PLK4: variants seen among roughly 807,000 people sequenced by gnomAD.
PLK4 encodes the protein polo like kinase 4.
In PLK4, 51 loss-of-function variants were observed where a neutral mutation model predicts 103.0. The ratio of observed to expected loss-of-function variants is 0.50; its 90% CI spans 0.40 to 0.63. PLK4 has a LOEUF of 0.63. Ranked by LOEUF, PLK4 falls within the 20% of genes least tolerant of loss-of-function variation. The pLI, the probability that PLK4 is intolerant of heterozygous loss-of-function variation, is 0.00. For synonymous variants in PLK4, 389 were observed against 376.8 expected (o/e 1.03, Z -0.38); for missense variants, 1,054 against 1,151.0 (o/e 0.92, Z 1.22).
Position 127,893,314 on chromosome 4 carries a change from A to T in PLK4, c.2218A>T (p.Ile740Phe). ...AAAAATACACAAAACAGAAGATTTC[A>T]TTCAGGTGATTGAAAAGACAGGGAA... Reference protein sequence around the residue: ...GVKIHKTEDFIQVIEKTGKSY... With the variant: ...GVKIHKTEDFFQVIEKTGKSY... Residue 740 changes from isoleucine to phenylalanine, a missense_variant, in exon 11 of 16, where the codon ATT (isoleucine) becomes TTT (phenylalanine). Physicochemically the swap from Ile to Phe is conservative, Grantham distance 21 (BLOSUM62 0). Coordinates refer to ENST00000270861, the MANE Select transcript of PLK4 (RefSeq NM_014264.5). 1 of 1,596,956 alleles carries T rather than the reference A, an allele frequency of 6.3e-7. No homozygotes were observed. The highest frequency in any genetic ancestry group is 8.6e-7 in the Non-Finnish European group (1 of 1,169,274).
chr4:127,889,804 ATT>A, intron 6 of PLK4, 60 bp from the exon 7 acceptor site: 4 of 1,220,698 alleles, frequency 3.3e-6, no homozygotes, highest in Non-Finnish European at 4.6e-6. Context: ...GAGTGACGTT[ATT>A]TTGTGTCGAC....
chr4:127,885,688 CT>C lies in PLK4; in HGVS notation c.338-14del, dbSNP rs750472455. On this transcript the variant is annotated intron_variant, in intron 4 of 15. Coordinates refer to ENST00000270861, the MANE Select transcript of PLK4 (RefSeq NM_014264.5). ...CCAGAGTTTCTAAATTGTAAATTCT[CT>C]TTTTTAAAATCCTAACAGCTCGACA... 18 of 1,565,802 alleles carry C rather than the reference CT, an allele frequency of 1.1e-5. No individual in the cohort carries two copies. In the Admixed American group the frequency reaches 3.3e-4, roughly 29 times the overall value.
At position 127,881,853 on chromosome 4, in the gene PLK4, T is replaced by C. The variant is rs755467547; in HGVS notation, c.53T>C (p.Leu18Pro). The C allele has an allele frequency of 1.9e-6, 3 of 1,606,714 alleles. No individual in the cohort carries two copies. The highest frequency in any genetic ancestry group is 2.2e-5 in the East Asian group (1 of 44,850). The change falls in exon 2 of 16, where the codon CTT becomes CCT. Residue 18 changes from leucine (L) to proline (P), a missense_variant. Around this residue, in one of 4 missense-constraint regions of PLK4, gnomAD observed 199 missense variants for 270.1 expected, o/e 0.74. Coordinates refer to ENST00000270861, the MANE Select transcript of PLK4 (RefSeq NM_014264.5). ...KIEDFKVGNL[L>P]GKGSFAGVYR... ...AAGGATTTTAAAGTTGGAAATCTGC[T>C]TGGTAAAGGATCATTTGCTGGTGTC...
At position 127,895,085 on chromosome 4, in the gene PLK4, GC is replaced by G; in HGVS notation, c.2696del (p.Ala899ValfsTer4). 1 of 1,609,458 alleles carries G rather than the reference GC, an allele frequency of 6.2e-7. No homozygotes were observed. Among genetic ancestry groups the G allele is most frequent in the Non-Finnish European group, 8.5e-7 (1 of 1,178,108 alleles). On this transcript the variant is annotated frameshift_variant, in exon 14 of 16. Transcript: ENST00000270861. LOFTEE classifies it high-confidence loss of function. ...KSVFVKNVGW[A>X]TQLTSGAVWV... Reference sequence around the variant, plus strand: ...TGTTTTTGTGAAAAATGTTGGTTGGGCTACACAGGTGAGAAGTTTCTAGTAC... The same window carrying G: ...TGTTTTTGTGAAAAATGTTGGTTGGGTACACAGGTGAGAAGTTTCTAGTAC...
Position 127,890,192 on chromosome 4 carries a change from G to A in PLK4, c.1786G>A (p.Ala596Thr), listed in dbSNP as rs1735302018. The change falls in exon 7 of 16, where the codon GCT becomes ACT. Residue 596 changes from alanine to threonine, a missense_variant. Ala to Thr is a moderately conservative substitution (Grantham distance 58). Around this residue, in one of 4 missense-constraint regions of PLK4, gnomAD observed 680 missense variants for 660.3 expected, o/e 1.03. Transcript: ENST00000270861. Reference sequence around the variant, plus strand: ...AAGAAGCATTACATCTCCGTTGGTTGCTCACAGGTTAAAACCAATCAGACA... The same window carrying A: ...AAGAAGCATTACATCTCCGTTGGTTACTCACAGGTTAAAACCAATCAGACA... ...TLRSITSPLV[A>T]HRLKPIRQKT... 2 of 1,613,024 alleles carry A rather than the reference G, an allele frequency of 1.2e-6. No individual in the cohort carries two copies. Among genetic ancestry groups the A allele is most frequent in the Non-Finnish European group, 1.7e-6 (2 of 1,179,416 alleles).
chr4:127,883,404 T>C (rs868468903), intron 3 of PLK4, 35 bp from the exon 4 acceptor site: 3 of 1,411,514 alleles, frequency 2.1e-6, no homozygotes, highest in African/African-American at 1.4e-5. Context: ...TGAATTTTTG[T>C]ATATTTTAAT....
At chr4:127,881,329 C>A in intron 1 of PLK4, 165 bp downstream of exon 1, 2 of 1,472,104 alleles carry the variant, frequency 1.4e-6, no homozygotes, top group Non-Finnish European at 9.0e-7. Context: ...AGGGGCGGAG[C>A]GGCCCGCCCC....
chr4:127,892,329 C>T, intron 9 of PLK4, 36 bp from the exon 10 acceptor site: 1 of 1,391,946 alleles, frequency 7.2e-7, no homozygotes, highest in Non-Finnish European at 9.9e-7. Context: ...CAGGTCAACA[C>T]TTTCTTCCCT....
intron 10 of PLK4, chr4:127,892,805 T>C (rs961322004): frequency 4.3e-6 from 1 of 231,964 alleles, no homozygotes; most frequent in African/African-American, 2.3e-5. Context: ...ATGCGCAATG[T>C]CCTATTTCTT....
Position 127,887,495 on chromosome 4 carries a change from T to A in PLK4, c.1458T>A (p.Asn486Lys). The change falls in exon 6 of 16, where the codon AAT (asparagine) becomes AAA (lysine). Residue 486 changes from asparagine to lysine, a missense_variant and splice_region_variant. Around this residue, in one of 4 missense-constraint regions of PLK4, gnomAD observed 680 missense variants for 660.3 expected, o/e 1.03. Transcript: ENST00000270861. ...AGTGGTTTGGGAATCTGCAAATAAA[T>A]GGTGAGTTTTTAATGGAGTATTTAA... ...VQQWFGNLQI[N>K]AHLRKTTEYD... 6.4e-7 allele frequency: 1 copy of A among 1,556,064 alleles called. No homozygotes were observed. Among genetic ancestry groups the A allele is most frequent in the Non-Finnish European group, 8.8e-7 (1 of 1,130,568 alleles).
chr4:127,888,173 G>A (rs1293099672), intron 6 of PLK4, among the ~76,000 whole-genome samples: 3 of 24,322 alleles, frequency 1.2e-4, no homozygotes, highest in Non-Finnish European at 2.6e-4. Context: ...GAGCTAGACT[G>A]TCTCAAAAAA....
intron 9 of PLK4, 54 bp downstream of exon 9, chr4:127,891,735 G>A (rs148446469): frequency 6.5e-4 from 382 of 591,526 alleles, no homozygotes; most frequent in Non-Finnish European, 1.0e-3. Context: ...ATGTATATAC[G>A]TATAAACTCT....
At chr4:127,889,797 T>G in intron 6 of PLK4, 69 bp from the exon 7 acceptor site, 2 of 1,117,406 alleles carry the variant, frequency 1.8e-6, no homozygotes, top group South Asian at 1.7e-5. Context: ...ACAATCAGAG[T>G]GACGTTATTT....
At position 127,883,330 on chromosome 4, in the gene PLK4, C is replaced by G; in HGVS notation, c.195C>G (p.Cys65Trp). ...QRVQNEVKIH[C>W]QLKHPSILEL... ...TCCAAAATGAGGTGAAAATACATTGCCAATTGAAACATCCTTCTATCTTGG... is the reference window on the plus strand; with the variant it reads ...TCCAAAATGAGGTGAAAATACATTGGCAATTGAAACATCCTTCTATCTTGG... Residue 65 changes from cysteine (C) to tryptophan (W), a missense_variant, in exon 3 of 16, where the codon TGC (cysteine) becomes TGG (tryptophan). This residue lies in a region of PLK4 where 199 missense variants were observed against 270.1 expected (regional missense o/e 0.74). Transcript: ENST00000270861. 6.3e-7 allele frequency: 1 copy of G among 1,596,688 alleles called. No homozygotes were observed. Among genetic ancestry groups the G allele is most frequent in the Non-Finnish European group, 8.6e-7 (1 of 1,164,466 alleles).
chr4:127,894,606 A>C (rs773605603), intron 13 of PLK4, among the ~76,000 whole-genome samples: 3 of 152,160 alleles, frequency 2.0e-5, no homozygotes, highest in Non-Finnish European at 4.4e-5. Flanking sequence ...TTTATTATAT[A>C]TTTAATGAAC....
Position 127,886,265 on chromosome 4 carries a change from A to T in PLK4, c.895A>T (p.Ser299Cys), listed in dbSNP as rs1221002335. 6.2e-7 allele frequency: 1 copy of T among 1,614,066 alleles called. No homozygotes were observed. The highest frequency in any genetic ancestry group is 1.7e-5 in the Admixed American group (1 of 60,024). Residue 299 changes from serine (S) to cysteine (C), a missense_variant, in exon 5 of 16, where the codon AGT (serine) becomes TGT (cysteine). Transcript: ENST00000270861. ...TISTAITASS[S>C]TSISGSLFDK... The stretch of plus-strand genomic sequence containing the variant: ...TTCTACTGCAATTACAGCTTCTTCC[A>T]GTACCAGTATAAGTGGTAGTTTATT...
At chr4:127,893,003 T>C (rs1461777512) in intron 10 of PLK4, among the ~76,000 whole-genome samples, 3 of 152,106 alleles carry the variant, frequency 2.0e-5, no homozygotes, top group Non-Finnish European at 4.4e-5. Flanking sequence ...TATCACACAG[T>C]ACACATATAA....
chr4:127,881,308 C>T (rs1734909955), intron 1 of PLK4, 144 bp downstream of exon 1: 1 of 1,523,338 alleles, frequency 6.6e-7, no homozygotes, highest in Non-Finnish European at 8.8e-7. Flanking sequence ...CGGCCCAGAC[C>T]CCTGCTGTTT....
At chr4:127,893,627 CAT>C (rs1348316989) in intron 12 of PLK4, 23 bp downstream of exon 12, 20 of 1,587,140 alleles carry the variant, frequency 1.3e-5, no homozygotes, top group Non-Finnish European at 1.5e-5. Flanking sequence ...AAATTTTAAA[CAT>C]ATGGCTAAAA....
Sources: allele counts gnomAD v4.1 joint callset (sites outside exome capture counted in the v4.1 genomes callset), GRCh38; gene constraint gnomAD v4.1.1; regional missense constraint gnomAD v4.1.1; transcripts MANE v1.5; gene names NCBI Gene and HGNC (gene_info 2026-07-23, HGNC 2026-07-21).